KDM4C: variants seen among roughly 807,000 people sequenced by gnomAD.
KDM4C encodes lysine demethylase 4C, also known as lysine-specific demethylase 4C.
KDM4C carries 81 observed loss-of-function variants against 129.3 expected under a neutral mutation model. The observed-to-expected ratio is 0.63, with a 90% confidence interval of 0.52 to 0.75. The LOEUF (loss-of-function observed/expected upper bound fraction) is 0.75. Ranked by LOEUF, KDM4C falls within the 30% of genes least tolerant of loss-of-function variation. KDM4C has a pLI of 0.00. For synonymous variants in KDM4C, 573 were observed against 456.1 expected (o/e 1.26, Z -3.26); for missense variants, 1,457 against 1,304.0 (o/e 1.12, Z -1.81).
intron 4 of KDM4C, among the ~76,000 whole-genome samples, chr9:6,846,718 A>G (rs1341662357): frequency 6.6e-6 from 1 of 152,240 alleles, no homozygotes; most frequent in African/African-American, 2.4e-5. Flanking sequence ...AGTGAATTTA[A>G]ACACATTTTA....
chr9:6,979,564 A>T (rs985632172), intron 8 of KDM4C, among the ~76,000 whole-genome samples: 10 of 152,218 alleles, frequency 6.6e-5, no homozygotes, highest in Non-Finnish European at 1.2e-4. Context: ...CAGGCTCATA[A>T]ATTTAGACCT....
At chr9:7,117,716 A>G (rs1294583281) in intron 18 of KDM4C, among the ~76,000 whole-genome samples, 1 of 151,838 alleles carries the variant, frequency 6.6e-6, no homozygotes, top group African/African-American at 2.4e-5. Flanking sequence ...TTCCTAAATT[A>G]TATTGTTGGC....
At chr9:6,986,775 T>G (rs1817789927) in intron 11 of KDM4C, 109 bp downstream of exon 11, 1 of 770,914 alleles carries the variant, frequency 1.3e-6, no homozygotes, top group African/African-American at 1.8e-5. Context: ...ATAAATAACA[T>G]TTTACATTTA....
intron 8 of KDM4C, among the ~76,000 whole-genome samples, chr9:6,973,391 T>G (rs181584618): frequency 2.2e-4 from 33 of 152,318 alleles, no homozygotes; most frequent in Non-Finnish European, 4.3e-4. Flanking sequence ...CTAAAAGCAT[T>G]ACTCTCTTGG....
intron 15 of KDM4C, among the ~76,000 whole-genome samples, chr9:7,018,018 C>G (rs972049966): frequency 3.9e-5 from 6 of 152,142 alleles, no homozygotes; most frequent in Non-Finnish European, 5.9e-5. Context: ...TAAGAAGTCC[C>G]TGCATCAGTG....
intron 4 of KDM4C, among the ~76,000 whole-genome samples, chr9:6,821,497 C>G (rs996961407): frequency 6.6e-6 from 1 of 152,176 alleles, no homozygotes; most frequent in Non-Finnish European, 1.5e-5. Context: ...TTTCTTGTGT[C>G]TGTTGGCTGC....
chr9:6,817,675 A>G (rs1488325096), intron 4 of KDM4C, among the ~76,000 whole-genome samples: 1 of 152,094 alleles, frequency 6.6e-6, no homozygotes, highest in South Asian at 2.1e-4. Context: ...TTAAAGTAGT[A>G]TATGTACATG....
At chr9:6,853,745 C>T (rs1218826225) in intron 5 of KDM4C, among the ~76,000 whole-genome samples, 1 of 152,166 alleles carries the variant, frequency 6.6e-6, no homozygotes, top group Non-Finnish European at 1.5e-5. Context: ...ACTGCTTTGA[C>T]AGTCAGTGGT....
At chr9:7,002,845 A>G (rs1820978881) in intron 12 of KDM4C, among the ~76,000 whole-genome samples, 1 of 152,200 alleles carries the variant, frequency 6.6e-6, no homozygotes, top group Non-Finnish European at 1.5e-5. Context: ...CTGTCTGTTC[A>G]ATTCCAAAGT....
At chr9:6,954,257 C>T (rs1828682931) in intron 8 of KDM4C, among the ~76,000 whole-genome samples, 1 of 152,142 alleles carries the variant, frequency 6.6e-6, no homozygotes, top group African/African-American at 2.4e-5. Context: ...CCTCTTTTCT[C>T]CTGAGACTCT....
upstream of KDM4C, among the ~76,000 whole-genome samples, chr9:6,753,045 A>G (rs10815467): frequency 0.4 from 60,945 of 151,924 alleles, 13,002 homozygotes; most frequent in African/African-American, 0.55. Context: ...CTTTTGATCT[A>G]AGCTCTGATG....
intron 12 of KDM4C, among the ~76,000 whole-genome samples, chr9:6,991,414 G>T (rs1189308561): frequency 6.6e-6 from 1 of 151,928 alleles, no homozygotes; most frequent in South Asian, 2.1e-4. Flanking sequence ...TTATAAAAAA[G>T]AAATTTTTGT....
At chr9:7,076,458 C>A (rs1465357091) in intron 17 of KDM4C, 2 of 1,550,660 alleles carry the variant, frequency 1.3e-6, no homozygotes, top group Non-Finnish European at 1.7e-6. Context: ...CTAGACACAG[C>A]AACAGTAACA....
chr9:6,766,244 A>G (rs2130532237), intron 1 of KDM4C, among the ~76,000 whole-genome samples: 1 of 152,194 alleles, frequency 6.6e-6, no homozygotes, highest in Non-Finnish European at 1.5e-5. Context: ...GTAATCTGAG[A>G]ATTTGAAATC....
At chr9:6,748,172 A>AAAAC (rs201565554) in intron 1 of KDM4C, among the ~76,000 whole-genome samples, 2 of 126,174 alleles carry the variant, frequency 1.6e-5, no homozygotes, top group Non-Finnish European at 3.3e-5. Flanking sequence ...TCTCAAAAAA[A>AAAAC]AAACAAACAA....
intron 17 of KDM4C, among the ~76,000 whole-genome samples, chr9:7,069,011 T>C (rs377080460): frequency 1.3e-5 from 2 of 152,186 alleles, no homozygotes; most frequent in African/African-American, 4.8e-5. Flanking sequence ...ATGCCCTACT[T>C]TCTATCCGAA....
At chr9:6,724,163 C>T in intron 1 of KDM4C, among the ~76,000 whole-genome samples, 1 of 152,156 alleles carries the variant, frequency 6.6e-6, no homozygotes, top group East Asian at 1.9e-4. Context: ...AGACTGACCT[C>T]TCATTTGGAA....
intron 2 of KDM4C, 96 bp downstream of exon 2, chr9:6,793,228 G>A (rs1827057492): frequency 7.5e-7 from 1 of 1,326,614 alleles, no homozygotes; most frequent in Non-Finnish European, 1.0e-6. Context: ...TCTGAAGGAA[G>A]AAATTTGCAA....
intron 5 of KDM4C, among the ~76,000 whole-genome samples, chr9:6,866,310 C>G (rs1841970401): frequency 6.6e-6 from 1 of 151,922 alleles, no homozygotes; most frequent in Non-Finnish European, 1.5e-5. Flanking sequence ...TGCTAGGTTA[C>G]TGTTTCCTTT....
Sources: allele counts gnomAD v4.1 joint callset (sites outside exome capture counted in the v4.1 genomes callset), GRCh38; gene constraint gnomAD v4.1.1; transcripts MANE v1.5; gene names NCBI Gene and HGNC (gene_info 2026-07-23, HGNC 2026-07-21).